FUBP3: variants seen among roughly 807,000 people sequenced by gnomAD.
FUBP3 encodes the protein far upstream element binding protein 3.
In FUBP3, 28 loss-of-function variants were observed where a neutral mutation model predicts 85.6. The ratio of observed to expected loss-of-function variants is 0.33; its 90% CI spans 0.24 to 0.45. FUBP3 has a LOEUF of 0.45. Among genes scored for constraint, FUBP3 ranks in the 20% least tolerant of loss-of-function variants. The pLI is 1.00. For synonymous variants in FUBP3, 271 were observed against 271.4 expected (o/e 1.00, Z 0.01); for missense variants, 583 against 755.1 (o/e 0.77, Z 2.67).
chr9:130,579,809 G>T, intron 1 of FUBP3, 45 bp downstream of exon 1: 1 of 1,174,582 alleles, frequency 8.5e-7, no homozygotes, highest in South Asian at 4.2e-5. Context: ...CCCGAGGCGG[G>T]GCCTGGCGGG....
chr9:130,627,634 G>A (rs1427862009), intron 12 of FUBP3, among the ~76,000 whole-genome samples: 2 of 152,188 alleles, frequency 1.3e-5, no homozygotes, highest in South Asian at 2.1e-4. Flanking sequence ...TTCATTTGCC[G>A]GCAGGTGTGC....
chr9:130,604,900 CAA>C (rs1267671003), intron 2 of FUBP3, among the ~76,000 whole-genome samples: 29 of 71,030 alleles, frequency 4.1e-4, no homozygotes, highest in Admixed American at 6.1e-4. Flanking sequence ...CTGTCTCAAA[CAA>C]AAAAAAAAAA....
In FUBP3 at chr9:130,614,315, G is replaced by T; in HGVS notation, c.374G>T (p.Cys125Phe). The T allele has an allele frequency of 6.2e-7, 1 of 1,606,270 alleles. No homozygotes were observed. Among genetic ancestry groups the T allele is most frequent in the African/African-American group, 1.3e-5 (1 of 74,906 alleles). ...AGTTCTGGGATTCCAGAGAGGCCCT[G>T]TGTACTTACCGGAACCCCAGAAAGT... is the stretch of plus-strand genomic sequence containing the variant. ...SESSGIPERP[C>F]VLTGTPESIE... The change falls in exon 6 of 19, where the codon TGT (cysteine) becomes TTT (phenylalanine). Residue 125 changes from cysteine to phenylalanine, a missense_variant. Transcript: ENST00000319725.
At chr9:130,605,603 G>A (rs926313277) in intron 2 of FUBP3, among the ~76,000 whole-genome samples, 14 of 152,326 alleles carry the variant, frequency 9.2e-5, no homozygotes, top group African/African-American at 3.4e-4. Context: ...GTGGGTTCAC[G>A]CAGGTGAGGT....
intron 13 of FUBP3, chr9:130,631,313 G>A: frequency 7.2e-7 from 1 of 1,394,992 alleles, no homozygotes; most frequent in Non-Finnish European, 9.3e-7. Flanking sequence ...TACCCCCAGG[G>A]TGATGCCAGG....
chr9:130,638,005 A>C lies in FUBP3; in HGVS notation c.*983A>C, dbSNP rs527315599. 1.3e-5 allele frequency: 2 copies of C among 152,728 alleles called. No individual in the cohort carries two copies. The highest frequency in any genetic ancestry group is 4.1e-4 in the South Asian group (2 of 4,834). The allele number at this position is 152,728 out of a possible 1,614,324, so 9.5% of individuals were successfully genotyped here. ...GTATTAACCGCATTATGAATTAAAT[A>C]ATTTTGATTTAATGAAAGGGATAAT... On this transcript the variant is annotated 3_prime_UTR_variant, in exon 19 of 19. Coordinates refer to ENST00000319725, the MANE Select transcript of FUBP3 (RefSeq NM_003934.2).
At chr9:130,606,298 C>T (rs1243334422) in intron 2 of FUBP3, among the ~76,000 whole-genome samples, 1 of 152,060 alleles carries the variant, frequency 6.6e-6, no homozygotes, top group Non-Finnish European at 1.5e-5. Flanking sequence ...AAAGAAGAGG[C>T]AGAGGAGGGG....
chr9:130,621,654 C>T (rs186218625), intron 9 of FUBP3, among the ~76,000 whole-genome samples: 598 of 152,296 alleles, frequency 3.9e-3, no homozygotes, highest in Non-Finnish European at 5.8e-3. Flanking sequence ...CGCCTGTAAT[C>T]CCAGCACTTT....
intron 1 of FUBP3, among the ~76,000 whole-genome samples, chr9:130,583,822 A>G (rs1240722297): frequency 6.6e-6 from 1 of 152,184 alleles, no homozygotes; most frequent in Non-Finnish European, 1.5e-5. Flanking sequence ...TAGTAAATAA[A>G]CTATATATTC....
At chr9:130,609,602 G>T (rs1399552473) in intron 2 of FUBP3, among the ~76,000 whole-genome samples, 1 of 152,242 alleles carries the variant, frequency 6.6e-6, no homozygotes, top group Non-Finnish European at 1.5e-5. Flanking sequence ...GAGAAAGAAG[G>T]ATCTCTTTCC....
intron 8 of FUBP3, among the ~76,000 whole-genome samples, chr9:130,618,802 T>C (rs544255702): frequency 6.6e-6 from 1 of 152,284 alleles, no homozygotes; most frequent in South Asian, 2.1e-4. Flanking sequence ...TGGCAAAATA[T>C]TGCCCCCAGT....
intron 2 of FUBP3, among the ~76,000 whole-genome samples, chr9:130,603,362 A>AAAC (rs1554738544): frequency 3.4e-5 from 5 of 145,038 alleles, no homozygotes; most frequent in Admixed American, 1.3e-4. Flanking sequence ...AAAAAAAAAA[A>AAAC]AAAAAACAAA....
Position 130,586,749 on chromosome 9 carries a change from CTT to C in FUBP3, c.84+7003_84+7004del, listed in dbSNP as rs34911755. ...TCAATGAGGTGGCTGAAGCAGCAATCTTTTTTTTTTTTTTTTTTTCAGACGGA... is the reference window on the plus strand; with the variant it reads ...TCAATGAGGTGGCTGAAGCAGCAATCTTTTTTTTTTTTTTTTTCAGACGGA... On this transcript the variant is annotated intron_variant, in intron 1 of 18. Coordinates refer to ENST00000319725, the MANE Select transcript of FUBP3 (RefSeq NM_003934.2). Among the ~76,000 whole-genome samples, 348 of 113,290 alleles carry C rather than the reference CTT, an allele frequency of 3.1e-3. 1 individual carries two copies. The highest frequency in any genetic ancestry group is 9.4e-3 in the Middle Eastern group (2 of 212). The allele number at this position is 113,290 out of a possible 152,430, so 74.3% of individuals were successfully genotyped here.
intron 2 of FUBP3, among the ~76,000 whole-genome samples, chr9:130,601,008 C>G (rs892470888): frequency 6.6e-6 from 1 of 152,072 alleles, no homozygotes; most frequent in Non-Finnish European, 1.5e-5. Context: ...GGCTATGTAT[C>G]CCACCTACTA....
Position 130,612,514 on chromosome 9 carries a change from C to A in FUBP3, c.274+9C>A. ...CAAAATGGTTGGATTTAGTAAGTAT[C>A]CATGTTGTCTACTTTTTCCCTGATT... is the stretch of plus-strand genomic sequence containing the variant. On this transcript the variant is annotated intron_variant, in intron 4 of 18. Transcript: ENST00000319725. The surrounding 1 kb of genome is among the most constrained non-coding windows in gnomAD (Gnocchi z 4.1). The A allele has an allele frequency of 2.0e-6, 3 of 1,526,440 alleles. No individual in the cohort carries two copies. The highest frequency in any genetic ancestry group is 2.7e-6 in the Non-Finnish European group (3 of 1,101,578). The allele number at this position is 1,526,440 out of a possible 1,614,324, so 94.6% of individuals were successfully genotyped here. A position where few individuals can be genotyped will look rare whatever the true frequency, so the allele number is the denominator to read the frequency against.
At chr9:130,617,728 AT>A in intron 7 of FUBP3, 68 bp from the exon 8 acceptor site, 1 of 1,008,540 alleles carries the variant, frequency 9.9e-7, no homozygotes, top group Admixed American at 1.7e-5. Flanking sequence ...ACTGGGTCCG[AT>A]TTTGTGCTGC....
At chr9:130,585,301 T>C (rs2119000801) in intron 1 of FUBP3, among the ~76,000 whole-genome samples, 1 of 152,352 alleles carries the variant, frequency 6.6e-6, no homozygotes, top group East Asian at 1.9e-4. Context: ...GTTGTCTTCA[T>C]TCCCGCCATC....
At chr9:130,615,100 G>A (rs769936311) in intron 6 of FUBP3, among the ~76,000 whole-genome samples, 1 of 152,192 alleles carries the variant, frequency 6.6e-6, no homozygotes, top group Non-Finnish European at 1.5e-5. Flanking sequence ...GAGTCTAGAT[G>A]AGCTTAAAGT....
intron 12 of FUBP3, 120 bp downstream of exon 12, chr9:130,626,625 G>A (rs1023368713): frequency 1.0e-6 from 1 of 1,003,248 alleles, no homozygotes; most frequent in East Asian, 2.5e-5. Flanking sequence ...GGGCTGCCCG[G>A]TCTGGAGGCA....
Sources: allele counts gnomAD v4.1 joint callset (sites outside exome capture counted in the v4.1 genomes callset), GRCh38; gene constraint gnomAD v4.1.1; non-coding constraint Gnocchi (gnomAD v3.1); transcripts MANE v1.5; gene names NCBI Gene and HGNC (gene_info 2026-07-23, HGNC 2026-07-21).